Variants in SLAIN1 observed in about 807,000 individuals in gnomAD.
SLAIN1 encodes SLAIN motif-containing protein 1.
In SLAIN1, 17 loss-of-function variants were observed where a neutral mutation model predicts 55.4. The observed-to-expected ratio is 0.31, with a 90% CI of 0.21 to 0.46. SLAIN1 has a LOEUF of 0.46. Among genes scored for constraint, SLAIN1 ranks in the 20% least tolerant of loss-of-function variants. The pLI is 1.00. For synonymous variants in SLAIN1, 348 were observed against 337.4 expected (o/e 1.03, Z -0.35); for missense variants, 682 against 785.1 (o/e 0.87, Z 1.57).
chr13:77,711,763 A>T (rs2091153212), intron 1 of SLAIN1, among the ~76,000 whole-genome samples: 1 of 152,178 alleles, frequency 6.6e-6, no homozygotes, highest in Non-Finnish European at 1.5e-5. Flanking sequence ...CCTGGCAGAG[A>T]CACAAATAAA....
chr13:77,724,142 T>G (rs1251230853), intron 2 of SLAIN1, among the ~76,000 whole-genome samples: 1 of 152,182 alleles, frequency 6.6e-6, no homozygotes. Context: ...TAAAATCTAG[T>G]GGCTTTCTAT....
Position 77,698,268 on chromosome 13 carries a change from A to G in SLAIN1, c.355A>G (p.Ser119Gly). 1 of 1,418,072 alleles carries G rather than the reference A, an allele frequency of 7.1e-7. No individual in the cohort carries two copies. Among genetic ancestry groups the G allele is most frequent in the Non-Finnish European group, 9.2e-7 (1 of 1,083,898 alleles). 87.8% of individuals were successfully genotyped at this position (1,418,072 alleles called of 1,614,324 possible). A position where few individuals can be genotyped will look rare whatever the true frequency, so the allele number is the denominator to read the frequency against. ...GSGSGSGGGS[S>G]PAFPGTFCLP... ...CGGTAGTGGCAGCGGCGGTGGCTCC[A>G]GCCCCGCGTTCCCGGGCACCTTCTG... The change falls in exon 1 of 7, where the codon AGC becomes GGC. Residue 119 changes from serine to glycine, a missense_variant. By Grantham distance (56) the Ser-to-Gly change is moderately conservative (BLOSUM62 0). Coordinates refer to ENST00000418532, the MANE Select transcript of SLAIN1 (RefSeq NM_001242868.2). This position sits in a 1 kb window ranked among gnomAD's most constrained non-coding sequence, Gnocchi z 4.1.
intron 1 of SLAIN1, among the ~76,000 whole-genome samples, chr13:77,710,489 C>A (rs548728305): frequency 6.6e-6 from 1 of 152,054 alleles, no homozygotes; most frequent in African/African-American, 2.4e-5. Flanking sequence ...TCAAAAGAGA[C>A]AAAGAAGGGC....
intron 1 of SLAIN1, among the ~76,000 whole-genome samples, chr13:77,712,809 C>T (rs2091166245): frequency 3.9e-5 from 6 of 152,084 alleles, no homozygotes; most frequent in Admixed American, 3.9e-4. Context: ...ATTTCAAACT[C>T]TACTACAAAG....
chr13:77,746,251 A>G lies in SLAIN1; in HGVS notation c.917-263A>G, dbSNP rs549543924. 2.8e-3 allele frequency among the ~76,000 whole-genome samples: 425 copies of G among 152,256 alleles called. 2 individuals carry two copies. The highest frequency in any genetic ancestry group is 9.5e-3 in the African/African-American group (395 of 41,560). ...AGGGGAAATTGATAGATATTAACGA[A>G]TGAGCTGTGGCAGGTATATATAATC... On this transcript the variant is annotated intron_variant, in intron 3 of 6. Transcript: ENST00000418532.
intron 2 of SLAIN1, among the ~76,000 whole-genome samples, chr13:77,741,797 G>A (rs930540825): frequency 6.7e-6 from 1 of 149,424 alleles, no homozygotes; most frequent in East Asian, 2.0e-4. Flanking sequence ...CTTTTCAGCT[G>A]TCTGATTGCT....
At chr13:77,732,367 C>T (rs1872915272) in intron 2 of SLAIN1, among the ~76,000 whole-genome samples, 1 of 152,140 alleles carries the variant, frequency 6.6e-6, no homozygotes, top group African/African-American at 2.4e-5. Flanking sequence ...CCTATTTCTT[C>T]ATGTAATTAG....
chr13:77,763,026 G>A, intron 6 of SLAIN1, 119 bp from the exon 7 acceptor site: 2 of 764,516 alleles, frequency 2.6e-6, no homozygotes, highest in Middle Eastern at 3.4e-4. Flanking sequence ...TTGAGATGGT[G>A]CCAGTGGCTT....
chr13:77,743,717 C>T (rs1301084789), intron 2 of SLAIN1, among the ~76,000 whole-genome samples: 3 of 151,686 alleles, frequency 2.0e-5, no homozygotes, highest in African/African-American at 4.8e-5. Flanking sequence ...TCTCCCGTGA[C>T]TACTCTCTGG....
At position 77,746,832 on chromosome 13, in the gene SLAIN1, A is replaced by G. The variant is rs755895439; in HGVS notation, c.1235A>G (p.Gln412Arg). 19 of 1,613,064 alleles carry G rather than the reference A, an allele frequency of 1.2e-5. No homozygotes were observed. Among genetic ancestry groups the G allele is most frequent in the Non-Finnish European group, 1.6e-5 (19 of 1,179,364 alleles). ...YYSPQAQTPD[Q>R]QPNRTNGDKL... The stretch of plus-strand genomic sequence containing the variant: ...TCACCTCAAGCCCAAACTCCAGATC[A>G]GCAACCAAATAGGACCAATGGAGGT... The change falls in exon 4 of 7, where the codon CAG becomes CGG. Residue 412 changes from glutamine (Q) to arginine (R), a missense_variant. This residue lies in a region of SLAIN1 where 244 missense variants were observed against 295.2 expected (regional missense o/e 0.83). Transcript: ENST00000418532.
intron 1 of SLAIN1, among the ~76,000 whole-genome samples, chr13:77,713,001 A>G (rs1405551910): frequency 6.6e-6 from 1 of 152,018 alleles, no homozygotes; most frequent in Non-Finnish European, 1.5e-5. Flanking sequence ...AAAACTGGCT[A>G]GCCATATGCA....
chr13:77,715,264 A>G (rs1490813247), intron 1 of SLAIN1, among the ~76,000 whole-genome samples: 1 of 152,214 alleles, frequency 6.6e-6, no homozygotes. Context: ...GTGTTATTAC[A>G]TGAATCAGTA....
chr13:77,715,786 A>C (rs2091200847), intron 1 of SLAIN1, among the ~76,000 whole-genome samples: 1 of 152,068 alleles, frequency 6.6e-6, no homozygotes, highest in South Asian at 2.1e-4. Context: ...GTTGTTTGCT[A>C]TTTGTAGTTT....
intron 1 of SLAIN1, among the ~76,000 whole-genome samples, chr13:77,705,033 A>T (rs1293798812): frequency 2.7e-5 from 4 of 148,772 alleles, no homozygotes; most frequent in African/African-American, 9.8e-5. Context: ...ATATACATAG[A>T]AACTGTATAT....
chr13:77,723,829 C>A (rs181783851), intron 2 of SLAIN1, among the ~76,000 whole-genome samples: 1 of 151,890 alleles, frequency 6.6e-6, no homozygotes, highest in African/African-American at 2.4e-5. Flanking sequence ...TTTCTAGATA[C>A]TTCTGTGGGT....
chr13:77,763,914 T>G lies in SLAIN1; in HGVS notation c.*694T>G, dbSNP rs1320588429. On this transcript the variant is annotated 3_prime_UTR_variant, in exon 7 of 7. Coordinates refer to ENST00000418532, the MANE Select transcript of SLAIN1 (RefSeq NM_001242868.2). Reference sequence around the variant, plus strand: ...GCAGAATTAAATGGTCCTGTCTTTTTCATTTTTAATTTATTGTCATACATG... The same window carrying G: ...GCAGAATTAAATGGTCCTGTCTTTTGCATTTTTAATTTATTGTCATACATG... 1 of 152,638 alleles carries G rather than the reference T, an allele frequency of 6.6e-6. No homozygotes were observed. Among genetic ancestry groups the G allele is most frequent in the East Asian group, 1.9e-4 (1 of 5,200 alleles). 9.5% of individuals were successfully genotyped at this position (152,638 alleles called of 1,614,324 possible). A position where few individuals can be genotyped will look rare whatever the true frequency, so the allele number is the denominator to read the frequency against.
rs1278791816 is a variant in SLAIN1 at position 77,697,848 on chromosome 13, C to A, written c.-66C>A. 4.0e-6 allele frequency: 5 copies of A among 1,254,192 alleles called. No homozygotes were observed. Among genetic ancestry groups the A allele is most frequent in the South Asian group, 2.2e-5 (1 of 45,418 alleles). The allele number at this position is 1,254,192 out of a possible 1,614,324, so 77.7% of individuals were successfully genotyped here. ...GACAGGGAAGGAGCCGTAGCCTCCC[C>A]GTGGCCCGAGGAGCCGGCGCGGCGG... On this transcript the variant is annotated 5_prime_UTR_variant, in exon 1 of 7. Transcript: ENST00000418532.
chr13:77,760,346 A>T (rs1373444655), intron 5 of SLAIN1, among the ~76,000 whole-genome samples: 2 of 152,216 alleles, frequency 1.3e-5, no homozygotes, highest in Non-Finnish European at 2.9e-5. Flanking sequence ...ACTCAGATAG[A>T]TAAATGACAT....
intron 2 of SLAIN1, among the ~76,000 whole-genome samples, chr13:77,725,486 T>C (rs1210073012): frequency 6.6e-6 from 1 of 152,204 alleles, no homozygotes; most frequent in Admixed American, 6.5e-5. Context: ...ACTCTTTCAT[T>C]GACAGATAGG....
Sources: allele counts gnomAD v4.1 joint callset (sites outside exome capture counted in the v4.1 genomes callset), GRCh38; gene constraint gnomAD v4.1.1; regional missense constraint gnomAD v4.1.1; non-coding constraint Gnocchi (gnomAD v3.1); transcripts MANE v1.5; gene names NCBI Gene and HGNC (gene_info 2026-07-23, HGNC 2026-07-21).